MTAP: variants seen among roughly 807,000 people sequenced by gnomAD.
MTAP encodes the protein methylthioadenosine phosphorylase.
A neutral mutation model predicts 33.6 loss-of-function variants in MTAP; 33 were observed. The observed-to-expected ratio is 0.98, with a 90% CI of 0.74 to 1.31. The LOEUF (loss-of-function observed/expected upper bound fraction) is 1.31. Among genes scored for constraint, MTAP ranks in the 40% most tolerant of loss-of-function variants. The pLI, the probability that MTAP is intolerant of heterozygous loss-of-function variation, is 0.00. For missense variants in MTAP, 367 were observed against 360.0 expected (o/e 1.02, Z -0.16); for synonymous variants, 148 against 125.7 (o/e 1.18, Z -1.19).
At chr9:21,913,911 A>C (rs1372667054) in intron 1 of MTAP, among the ~76,000 whole-genome samples, 1 of 152,248 alleles carries the variant, frequency 6.6e-6, no homozygotes, top group East Asian at 1.9e-4. Flanking sequence ...CAGAATCCAC[A>C]ACGAACTCAA....
Position 21,865,815 on chromosome 9 carries a change from C to CATGTTGCATG in MTAP, c.*3802_*3811dup. 1 of 1,004,034 alleles carries CATGTTGCATG rather than the reference C, an allele frequency of 1.0e-6. No individual in the cohort carries two copies. Among genetic ancestry groups the CATGTTGCATG allele is most frequent in the Non-Finnish European group, 1.2e-6 (1 of 838,860 alleles). 62.2% of individuals were successfully genotyped at this position (1,004,034 alleles called of 1,614,324 possible). ...TATTTCTTTGTTTTGAAGATTCACT[C>CATGTTGCATG]ATGTTGCATGCATCTGTAGCTTGTG... On this transcript the variant is annotated 3_prime_UTR_variant, in exon 8 of 8. Transcript: ENST00000644715.
At position 21,922,100 on chromosome 9, in the gene MTAP, G is replaced by A. The variant is rs967089817; in HGVS notation, c.148-8908G>A. On this transcript the variant is annotated intron_variant, in intron 1 of 1. Transcript: ENST00000577563. The surrounding 1 kb of genome is among the most constrained non-coding windows in gnomAD (Gnocchi z 4.8). The stretch of plus-strand genomic sequence containing the variant: ...GTGGCCAACAGCTTCCCAATAAGGA[G>A]CTGAGCAAGCAGTCTCAAGCATGCA... 1.3e-5 allele frequency among the ~76,000 whole-genome samples: 2 copies of A among 152,102 alleles called. No homozygotes were observed. The highest frequency in any genetic ancestry group is 4.8e-5 in the African/African-American group (2 of 41,418).
At chr9:21,939,522 A>T (rs1423210670), downstream of MTAP, among the ~76,000 whole-genome samples, 1 of 152,190 alleles carries the variant, frequency 6.6e-6, no homozygotes, top group Non-Finnish European at 1.5e-5. Context: ...ATTAGCAAGT[A>T]TTATTATTTC....
intron 1 of MTAP, among the ~76,000 whole-genome samples, chr9:21,873,612 C>G (rs1327728908): frequency 9.7e-6 from 1 of 103,168 alleles, no homozygotes. Context: ...CCACCCCCGC[C>G]CCCCACCCCA....
intron 1 of MTAP, among the ~76,000 whole-genome samples, chr9:21,897,814 A>G (rs537200923): frequency 1.4e-3 from 216 of 152,298 alleles, no homozygotes; most frequent in Non-Finnish European, 2.4e-3. Context: ...GCCCACAGTA[A>G]TTTATAGATT....
At chr9:21,839,926 G>A (rs1371707203) in intron 5 of MTAP, among the ~76,000 whole-genome samples, 1 of 152,172 alleles carries the variant, frequency 6.6e-6, no homozygotes, top group Non-Finnish European at 1.5e-5. Flanking sequence ...CAGGGAAGAT[G>A]GCAGATAAGA....
intron 1 of MTAP, chr9:21,892,636 T>C (rs1373982241): frequency 1.3e-5 from 2 of 152,194 alleles, no homozygotes; most frequent in African/African-American, 2.4e-5. Flanking sequence ...CTTAAAGACC[T>C]TGATTCCACA....
chr9:21,806,097 A>C (rs1444950376), intron 1 of MTAP, among the ~76,000 whole-genome samples: 1 of 152,130 alleles, frequency 6.6e-6, no homozygotes, highest in Non-Finnish European at 1.5e-5. Context: ...AAGGGTTAAG[A>C]GTGGGAGGCA....
Position 21,864,073 on chromosome 9 carries a change from A to C in MTAP, c.*2059A>C, listed in dbSNP as rs925928078. ...TACCTTACTTTTCCTCATTCTTAAT[A>C]GGTGTCTAAGAATGTCAGGGCAAAA... On this transcript the variant is annotated 3_prime_UTR_variant, in exon 8 of 8. Transcript: ENST00000644715. 1 of 985,308 alleles carries C rather than the reference A, an allele frequency of 1.0e-6. No individual in the cohort carries two copies. The highest frequency in any genetic ancestry group is 1.2e-6 in the Non-Finnish European group (1 of 829,886). 61.0% of individuals were successfully genotyped at this position (985,308 alleles called of 1,614,324 possible).
rs903151303 is a variant in MTAP at position 21,806,240 on chromosome 9, G to T, written c.33+3459G>T. On this transcript the variant is annotated intron_variant, in intron 1 of 7. Coordinates refer to ENST00000644715, the MANE Select transcript of MTAP (RefSeq NM_002451.4). ...GAAGTCTAGGGTGGGAGCCATGGAG[G>T]TGGTGAGGAATAATCAGATTGGGGA... is the stretch of plus-strand genomic sequence containing the variant. 1.6e-4 allele frequency among the ~76,000 whole-genome samples: 25 copies of T among 152,070 alleles called. 1 individual carries two copies. The highest frequency in any genetic ancestry group is 3.2e-4 in the Non-Finnish European group (22 of 68,022).
At chr9:21,875,206 C>T (rs1825988593) in intron 1 of MTAP, among the ~76,000 whole-genome samples, 1 of 152,064 alleles carries the variant, frequency 6.6e-6, no homozygotes, top group African/African-American at 2.4e-5. Context: ...AATGGGATTG[C>T]TGGGTCAAAT....
downstream of MTAP, chr9:21,934,173 G>A (rs1001823251): frequency 6.6e-6 from 1 of 152,184 alleles, no homozygotes; most frequent in Admixed American, 6.5e-5. The surrounding 1 kb of genome is among the most constrained non-coding windows in gnomAD (Gnocchi z 5.0). Flanking sequence ...GTTACAGGTT[G>A]GTGTTTGCCT....
At chr9:21,842,637 A>G (rs1337033186) in intron 5 of MTAP, among the ~76,000 whole-genome samples, 1 of 152,230 alleles carries the variant, frequency 6.6e-6, no homozygotes, top group African/African-American at 2.4e-5. Flanking sequence ...TTCTCAGCCA[A>G]GAATTTTGTA....
intron 1 of MTAP, among the ~76,000 whole-genome samples, chr9:21,917,166 A>T (rs1818705529): frequency 6.6e-6 from 1 of 152,220 alleles, no homozygotes; most frequent in African/African-American, 2.4e-5. Flanking sequence ...ACTCAGGGGA[A>T]ATACAAAGAG....
At chr9:21,838,488 C>T (rs1273893922) in intron 5 of MTAP, among the ~76,000 whole-genome samples, 1 of 152,236 alleles carries the variant, frequency 6.6e-6, no homozygotes, top group African/African-American at 2.4e-5. Flanking sequence ...AATGAAGTCT[C>T]TGAACCATGC....
chr9:21,915,065 TTTC>T lies in MTAP; in HGVS notation c.148-15940_148-15938del, dbSNP rs1563869528. Reference sequence around the variant, plus strand: ...CTTCCTTCCTTCCTTCCTTTCTTTCTTTCTTTCTTTCTTTCTTTCCTTTCTTTC... The same window carrying T: ...CTTCCTTCCTTCCTTCCTTTCTTTCTTTTCTTTCTTTCTTTCCTTTCTTTC... On this transcript the variant is annotated intron_variant, in intron 1 of 1. Transcript: ENST00000577563. Among the ~76,000 whole-genome samples, 546 of 125,876 alleles carry T rather than the reference TTTC, an allele frequency of 4.3e-3. 32 individuals are homozygous for T. Among genetic ancestry groups the T allele is most frequent in the African/African-American group, 0.02 (518 of 25,852 alleles). 82.6% of individuals were successfully genotyped at this position (125,876 alleles called of 152,430 possible).
intron 5 of MTAP, among the ~76,000 whole-genome samples, chr9:21,843,827 C>G (rs7041509): frequency 1.3e-5 from 2 of 152,012 alleles, no homozygotes; most frequent in Non-Finnish European, 2.9e-5. Context: ...TCTAAGGTCA[C>G]ACTTCAAGGA....
At chr9:21,824,779 C>G (rs1339893262) in intron 4 of MTAP, among the ~76,000 whole-genome samples, 2 of 152,220 alleles carry the variant, frequency 1.3e-5, no homozygotes, top group Non-Finnish European at 2.9e-5. Flanking sequence ...ACTTTGTTTA[C>G]CTACTCAAGC....
At position 21,909,276 on chromosome 9, in the gene MTAP, T is replaced by C. The variant is rs569529011; in HGVS notation, c.148-21732T>C. On this transcript the variant is annotated intron_variant, in intron 1 of 1. Coordinates refer to the MTAP transcript ENST00000577563. ...TTCTGGGTTGACAATTCTTTTCTTT[T>C]AGCATTTAAAAAAAATATTGTGCCA... 2.6e-5 allele frequency among the ~76,000 whole-genome samples: 4 copies of C among 152,214 alleles called. No homozygotes were observed. The East Asian group carries it at 5.8e-4, about 22-fold the overall frequency.
Sources: allele counts gnomAD v4.1 joint callset (sites outside exome capture counted in the v4.1 genomes callset), GRCh38; gene constraint gnomAD v4.1.1; non-coding constraint Gnocchi (gnomAD v3.1); transcripts MANE v1.5; gene names NCBI Gene and HGNC (gene_info 2026-07-23, HGNC 2026-07-21).